ALKBH8: variants seen among roughly 807,000 people sequenced by gnomAD.
ALKBH8 encodes alkB homolog 8, tRNA methyltransferase, also known as tRNA (carboxymethyluridine(34)-5-O)-methyltransferase ALKBH8.
In ALKBH8, 36 loss-of-function variants were observed where a neutral mutation model predicts 59.8. That is an observed-to-expected ratio of 0.60 (90% CI 0.46 to 0.79). ALKBH8 has a LOEUF of 0.79. Ranked by LOEUF, ALKBH8 falls within the 30% of genes least tolerant of loss-of-function variation. The pLI, the probability that ALKBH8 is intolerant of heterozygous loss-of-function variation, is 0.00. For missense variants in ALKBH8, 768 were observed against 801.0 expected, an observed-to-expected ratio of 0.96 and a Z score of 0.50; for synonymous variants, 276 against 273.6, an observed-to-expected ratio of 1.01 and a Z score of -0.09.
In ALKBH8 at chr11:107,563,354, T is replaced by C. The variant is rs138060808; in HGVS notation, c.-7+2247A>G. Among the ~76,000 whole-genome samples the C allele has an allele frequency of 5.9e-5, 9 of 152,300 alleles. No individual in the cohort carries two copies. In the South Asian group the frequency reaches 1.7e-3, roughly 28 times the overall value. ...CATTCAGTGCTATGAGGTAATATAA[T>C]ACAGTGTTTAGGAGTCCATGTTCCA... On this transcript the variant is annotated intron_variant, in intron 1 of 11. Transcript: ENST00000428149.
At chr11:107,522,995 C>A (rs954739585) in intron 9 of ALKBH8, among the ~76,000 whole-genome samples, 2 of 151,810 alleles carry the variant, frequency 1.3e-5, no homozygotes, top group South Asian at 4.2e-4. Context: ...AGGTTCAATC[C>A]CCTCTCGTAT....
chr11:107,555,185 G>A (rs1864656597), intron 3 of ALKBH8, among the ~76,000 whole-genome samples: 1 of 152,122 alleles, frequency 6.6e-6, no homozygotes, highest in African/African-American at 2.4e-5. Flanking sequence ...GTGTGAACCC[G>A]GGAGGTGGAG....
At position 107,529,254 on chromosome 11, in the gene ALKBH8, A is replaced by T. The variant is rs954940687; in HGVS notation, c.878+3046T>A. 2.0e-5 allele frequency among the ~76,000 whole-genome samples: 3 copies of T among 152,322 alleles called. No individual in the cohort carries two copies. In the East Asian group the frequency reaches 5.8e-4, roughly 29 times the overall value. ...ATGATTGTGTAAATTAAATGAGTTA[A>T]TATATGTAAAGTTTTTAGAACAATG... On this transcript the variant is annotated intron_variant, in intron 8 of 11. Coordinates refer to ENST00000428149, the MANE Select transcript of ALKBH8 (RefSeq NM_138775.3).
At chr11:107,563,823 C>T (rs1260324738) in intron 1 of ALKBH8, 1 of 152,174 alleles carries the variant, frequency 6.6e-6, no homozygotes, top group Non-Finnish European at 1.5e-5. Flanking sequence ...GCAGGTGGAG[C>T]CTCATAACCA....
intron 1 of ALKBH8, chr11:107,565,349 A>G: frequency 1.7e-6 from 1 of 579,160 alleles, no homozygotes; most frequent in Non-Finnish European, 3.1e-6. Flanking sequence ...CCCCAAAGAA[A>G]ACAGAAGATT....
chr11:107,544,588 CATTT>C (rs1048860951), intron 7 of ALKBH8, among the ~76,000 whole-genome samples: 21 of 151,922 alleles, frequency 1.4e-4, no homozygotes, highest in African/African-American at 5.1e-4. Context: ...CAAGGTAGAC[CATTT>C]ATTTATTTCT....
chr11:107,518,510 C>T (rs1321726909), intron 10 of ALKBH8, among the ~76,000 whole-genome samples: 1 of 152,214 alleles, frequency 6.6e-6, no homozygotes, highest in African/African-American at 2.4e-5. Context: ...GCCATTATGC[C>T]CATGCTGGAA....
chr11:107,558,356 A>C (rs549997458), intron 2 of ALKBH8, among the ~76,000 whole-genome samples: 19 of 152,370 alleles, frequency 1.2e-4, no homozygotes, highest in African/African-American at 4.1e-4. Context: ...ACAATACTAT[A>C]TGATATGGAG....
At chr11:107,542,597 T>C (rs922057988) in intron 7 of ALKBH8, among the ~76,000 whole-genome samples, 1 of 152,190 alleles carries the variant, frequency 6.6e-6, no homozygotes, top group African/African-American at 2.4e-5. Context: ...TTTATAATCA[T>C]TGAAATACAT....
At chr11:107,553,682 T>C (rs1864587314) in intron 4 of ALKBH8, among the ~76,000 whole-genome samples, 165 bp downstream of exon 4, 1 of 152,188 alleles carries the variant, frequency 6.6e-6, no homozygotes, top group Non-Finnish European at 1.5e-5. Flanking sequence ...ATAAATGTTA[T>C]TTATTATTAA....
chr11:107,547,607 A>C (rs1864318009), intron 7 of ALKBH8, among the ~76,000 whole-genome samples: 1 of 152,220 alleles, frequency 6.6e-6, no homozygotes, highest in Non-Finnish European at 1.5e-5. Flanking sequence ...AATTTAGTGG[A>C]CTGTTTTAAA....
chr11:107,561,896 G>A (rs766478536), intron 1 of ALKBH8, among the ~76,000 whole-genome samples: 128 of 152,304 alleles, frequency 8.4e-4, no homozygotes, highest in African/African-American at 2.2e-3. Flanking sequence ...CTTTCAACAA[G>A]TTTGTAACTT....
intron 8 of ALKBH8, among the ~76,000 whole-genome samples, chr11:107,526,709 G>T (rs531140823): frequency 6.6e-6 from 1 of 151,942 alleles, no homozygotes; most frequent in African/African-American, 2.4e-5. Flanking sequence ...TACACTTTTT[G>T]CTTTCACATT....
chr11:107,555,437 G>T (rs1487516001), intron 3 of ALKBH8, among the ~76,000 whole-genome samples: 1 of 152,170 alleles, frequency 6.6e-6, no homozygotes, highest in Non-Finnish European at 1.5e-5. Context: ...ATTCACCATG[G>T]AGGACGGGGG....
intron 11 of ALKBH8, among the ~76,000 whole-genome samples, chr11:107,509,812 G>A (rs560640028): frequency 2.0e-5 from 3 of 152,250 alleles, no homozygotes; most frequent in South Asian, 4.1e-4. Flanking sequence ...TTCATAGAGG[G>A]GAGGGTATCC....
intron 7 of ALKBH8, among the ~76,000 whole-genome samples, chr11:107,533,260 A>T (rs1160480802): frequency 1.3e-5 from 2 of 152,164 alleles, no homozygotes; most frequent in Non-Finnish European, 2.9e-5. Context: ...GGAACAAATC[A>T]ATCCATTTGA....
intron 1 of ALKBH8, among the ~76,000 whole-genome samples, chr11:107,562,504 C>A (rs745543735): frequency 2.6e-5 from 4 of 151,996 alleles, no homozygotes; most frequent in Non-Finnish European, 4.4e-5. Flanking sequence ...AGACCGGTCC[C>A]ACTCTCTGCG....
At chr11:107,534,264 G>A (rs74933719) in intron 7 of ALKBH8, among the ~76,000 whole-genome samples, 5,492 of 152,204 alleles carry the variant, frequency 0.036, 144 homozygotes, top group Middle Eastern at 0.071. Context: ...CCCACACCTC[G>A]AAAGAATAAT....
At chr11:107,544,155 A>C (rs1864158347) in intron 7 of ALKBH8, among the ~76,000 whole-genome samples, 1 of 152,232 alleles carries the variant, frequency 6.6e-6, no homozygotes. Flanking sequence ...ATGGAGTGAT[A>C]TAATGCTGCT....
Sources: allele counts gnomAD v4.1 joint callset (sites outside exome capture counted in the v4.1 genomes callset), GRCh38; gene constraint gnomAD v4.1.1; transcripts MANE v1.5; gene names NCBI Gene and HGNC (gene_info 2026-07-23, HGNC 2026-07-21).